Variants in MYO18B observed in about 807,000 individuals in gnomAD.
The protein encoded by MYO18B is myosin XVIIIB, also known as unconventional myosin-XVIIIb.
In MYO18B, 204 loss-of-function variants were observed where a neutral mutation model predicts 273.0. The observed-to-expected ratio is 0.75, with a 90% CI of 0.67 to 0.84. The LOEUF (loss-of-function observed/expected upper bound fraction) is 0.84. Among genes scored for constraint, MYO18B ranks in the 40% least tolerant of loss-of-function variants. The pLI, the probability that MYO18B is intolerant of heterozygous loss-of-function variation, is 0.00. For synonymous variants in MYO18B, 1,330 were observed against 1,305.7 expected (o/e 1.02, Z -0.40); for missense variants, 3,212 against 3,287.6 (o/e 0.98, Z 0.56).
intron 21 of MYO18B, among the ~76,000 whole-genome samples, chr22:25,856,378 A>G (rs2090575168): frequency 6.6e-6 from 1 of 152,226 alleles, no homozygotes; most frequent in South Asian, 2.1e-4. Context: ...AGTTCGTTAC[A>G]GGACATGCCA....
chr22:26,028,420 G>A (rs1219886269), intron 43 of MYO18B: 1 of 152,188 alleles, frequency 6.6e-6, no homozygotes, highest in Non-Finnish European at 1.5e-5. Context: ...CAAGTTGGAA[G>A]AGACCTTCAG....
chr22:25,813,936 A>G (rs1416273358), intron 12 of MYO18B, among the ~76,000 whole-genome samples: 2 of 152,166 alleles, frequency 1.3e-5, no homozygotes, highest in Non-Finnish European at 2.9e-5. Context: ...CCTGACAGCT[A>G]CTGCAACCAG....
intron 10 of MYO18B, among the ~76,000 whole-genome samples, chr22:25,785,083 C>T (rs551917311): frequency 6.6e-6 from 1 of 152,274 alleles, no homozygotes; most frequent in Admixed American, 6.5e-5. Context: ...ACTTAGCATG[C>T]AGTAAGGGCT....
intron 20 of MYO18B, among the ~76,000 whole-genome samples, chr22:25,848,413 T>A (rs567435853): frequency 1.3e-5 from 2 of 152,152 alleles, no homozygotes; most frequent in African/African-American, 4.8e-5. Flanking sequence ...GAGGGAACAT[T>A]AGGCAGAGGG....
At chr22:25,843,655 C>A in intron 17 of MYO18B, 80 bp from the exon 18 acceptor site, 1 of 1,443,428 alleles carries the variant, frequency 6.9e-7, no homozygotes, top group Admixed American at 1.9e-5. Flanking sequence ...AAGATGGATA[C>A]TGTGCGTTTA....
chr22:25,857,133 A>T (rs147726856), intron 21 of MYO18B, among the ~76,000 whole-genome samples: 1 of 152,192 alleles, frequency 6.6e-6, no homozygotes, highest in Non-Finnish European at 1.5e-5. Context: ...GCTTTAACCT[A>T]CACCAAAGCC....
chr22:25,983,500 G>C (rs1447797839), intron 39 of MYO18B: 1 of 152,240 alleles, frequency 6.6e-6, no homozygotes, highest in African/African-American at 2.4e-5. Flanking sequence ...CCTGTTGTCT[G>C]TCTGAAATAA....
At chr22:26,028,887 CAAAAAAAAA>C (rs554144546) in intron 43 of MYO18B, among the ~76,000 whole-genome samples, 2 of 75,694 alleles carry the variant, frequency 2.6e-5, no homozygotes, top group Non-Finnish European at 5.8e-5. Flanking sequence ...GACTCCGTCT[CAAAAAAAAA>C]AAAAAAAAAA....
intron 12 of MYO18B, among the ~76,000 whole-genome samples, chr22:25,806,326 A>G (rs1350925685): frequency 6.6e-6 from 1 of 151,880 alleles, no homozygotes; most frequent in African/African-American, 2.4e-5. Flanking sequence ...ACTCTAGGAC[A>G]CCTCCCATCA....
At chr22:25,999,535 C>T (rs1264276375) in intron 40 of MYO18B, among the ~76,000 whole-genome samples, 2 of 33,534 alleles carry the variant, frequency 6.0e-5, no homozygotes, top group Admixed American at 4.2e-4. Context: ...TCCCCCTCCT[C>T]CCCCTCTTCC....
chr22:25,780,710 G>A (rs2087113648), intron 9 of MYO18B, among the ~76,000 whole-genome samples: 2 of 151,508 alleles, frequency 1.3e-5, no homozygotes, highest in South Asian at 2.1e-4. Flanking sequence ...TCCCCACCTC[G>A]CTAGGTGCCC....
intron 3 of MYO18B, among the ~76,000 whole-genome samples, chr22:25,767,772 T>C (rs1208902023): frequency 6.6e-6 from 1 of 152,200 alleles, no homozygotes; most frequent in Non-Finnish European, 1.5e-5. Context: ...CCCTGCAAGG[T>C]AGGCTTTTAT....
At chr22:25,774,472 A>T (rs1379437208) in intron 7 of MYO18B, among the ~76,000 whole-genome samples, 1 of 152,244 alleles carries the variant, frequency 6.6e-6, no homozygotes, top group Non-Finnish European at 1.5e-5. Flanking sequence ...CTCATTGGCC[A>T]TCCTGGATTG....
chr22:25,874,912 G>A (rs2091149307), intron 23 of MYO18B, among the ~76,000 whole-genome samples: 1 of 152,226 alleles, frequency 6.6e-6, no homozygotes, highest in African/African-American at 2.4e-5. Flanking sequence ...CCTCTTAGTA[G>A]CTGGGTGAAG....
At chr22:25,849,089 G>C (rs2090344181) in intron 20 of MYO18B, among the ~76,000 whole-genome samples, 1 of 152,286 alleles carries the variant, frequency 6.6e-6, no homozygotes, top group South Asian at 2.1e-4. Flanking sequence ...GTCACAGCCA[G>C]TGGCTGGTCC....
At chr22:25,998,203 C>G (rs942607351) in intron 40 of MYO18B, among the ~76,000 whole-genome samples, 4 of 152,190 alleles carry the variant, frequency 2.6e-5, no homozygotes, top group Admixed American at 2.0e-4. Flanking sequence ...GTAACTTGCA[C>G]TGTGGCATCA....
At chr22:25,845,170 T>C (rs2090197653) in intron 18 of MYO18B, among the ~76,000 whole-genome samples, 1 of 152,226 alleles carries the variant, frequency 6.6e-6, no homozygotes, top group Non-Finnish European at 1.5e-5. Context: ...CGGTTCGTAG[T>C]TGGCTCATGG....
intron 42 of MYO18B, among the ~76,000 whole-genome samples, chr22:26,024,060 T>A (rs1411030186): frequency 6.6e-6 from 1 of 152,198 alleles, no homozygotes; most frequent in Non-Finnish European, 1.5e-5. Context: ...CTTCTTACGG[T>A]GAGACAGAAG....
chr22:25,874,192 G>A, intron 22 of MYO18B, 94 bp from the exon 23 acceptor site: 1 of 1,473,194 alleles, frequency 6.8e-7, no homozygotes, highest in Non-Finnish European at 9.3e-7. Flanking sequence ...TTGCAGGTGG[G>A]TGCAAGAGAA....
Sources: allele counts gnomAD v4.1 joint callset (sites outside exome capture counted in the v4.1 genomes callset), GRCh38; gene constraint gnomAD v4.1.1; transcripts MANE v1.5; gene names NCBI Gene and HGNC (gene_info 2026-07-23, HGNC 2026-07-21).